Variants in IL23R observed in about 807,000 individuals in gnomAD.
IL23R encodes interleukin-23 receptor.
In IL23R, 34 loss-of-function variants were observed where a neutral mutation model predicts 56.9. That is an observed-to-expected ratio of 0.60 (90% CI 0.45 to 0.80). IL23R has a LOEUF of 0.80. IL23R is among the 30% of genes least tolerant of loss of function. The probability of loss-of-function intolerance (pLI) is 0.00; values close to 1 mark genes in which losing one functional copy is unlikely to be tolerated. For synonymous variants in IL23R, 230 were observed against 249.2 expected, an observed-to-expected ratio of 0.92 and a Z score of 0.73; for missense variants, 635 against 730.0, an observed-to-expected ratio of 0.87 and a Z score of 1.50.
At chr1:67,264,898 G>C (rs1653295165), downstream of IL23R, among the ~76,000 whole-genome samples, 1 of 152,132 alleles carries the variant, frequency 6.6e-6, no homozygotes, top group Non-Finnish European at 1.5e-5. Flanking sequence ...GTCCATTTTT[G>C]TCTGGGGTAG....
intron 5 of IL23R, among the ~76,000 whole-genome samples, chr1:67,206,189 T>C (rs558489741): frequency 1.1e-3 from 167 of 151,676 alleles, no homozygotes; most frequent in Non-Finnish European, 1.7e-3. Context: ...ATTTTTTCTG[T>C]TTTTAGTAGA....
chr1:67,224,826 AAAT>A (rs1045030292), intron 7 of IL23R, among the ~76,000 whole-genome samples: 2 of 152,232 alleles, frequency 1.3e-5, no homozygotes, highest in Admixed American at 1.3e-4. Context: ...TCAGGATAAT[AAAT>A]AATAATAGCT....
In IL23R at chr1:67,246,094, G is replaced by C. The variant is rs148478225; in HGVS notation, c.1148+5813G>C. Among the ~76,000 whole-genome samples, 509 of 152,282 alleles carry C rather than the reference G, an allele frequency of 3.3e-3. 1 individual carries two copies. Among genetic ancestry groups the C allele is most frequent in the African/African-American group, 0.012 (489 of 41,560 alleles). ...TTCTTCTAGATTTTCTAGTTTATTT[G>C]CACAGAGGTATTTATAGTATTCTCT... On this transcript the variant is annotated intron_variant, in intron 9 of 10. Coordinates refer to ENST00000347310, the MANE Select transcript of IL23R (RefSeq NM_144701.3).
rs77740743 is a variant in IL23R, at chr1:67,233,990, A to G, written c.956-2723A>G. ...GTGTGTGTGAGATTCTGTGTTTGCT[A>G]ATGCTTTTGTATGTTAAAATACTTG... On this transcript the variant is annotated intron_variant, in intron 7 of 10. Coordinates refer to ENST00000347310, the MANE Select transcript of IL23R (RefSeq NM_144701.3). 6.1e-3 allele frequency among the ~76,000 whole-genome samples: 901 copies of G among 147,814 alleles called. 9 individuals are homozygous for G. Among genetic ancestry groups the G allele is most frequent in the Admixed American group, 0.014 (198 of 14,566 alleles).
At position 67,255,910 on chromosome 1, in the gene IL23R, G is replaced by A. The variant is rs1238451416; in HGVS notation, c.1222G>A (p.Val408Ile). 1 of 1,598,212 alleles carries A rather than the reference G, an allele frequency of 6.3e-7. No homozygotes were observed. The highest frequency in any genetic ancestry group is 2.2e-5 in the East Asian group (1 of 44,738). ...TATTCCTAATATGAAAAACAGCAAT[G>A]TTGTGAAAATGCTACAGGTAACCTA... is the stretch of plus-strand genomic sequence containing the variant. ...EDIPNMKNSNVVKMLQENSEL... is the reference protein window; with the variant it reads ...EDIPNMKNSNIVKMLQENSEL... The change falls in exon 10 of 11, where the codon GTT (valine) becomes ATT (isoleucine). Residue 408 changes from valine (V) to isoleucine (I), a missense_variant. Coordinates refer to ENST00000347310, the MANE Select transcript of IL23R (RefSeq NM_144701.3).
chr1:67,168,422 G>T (rs1332278908), intron 2 of IL23R, among the ~76,000 whole-genome samples: 1 of 152,066 alleles, frequency 6.6e-6, no homozygotes, highest in African/African-American at 2.4e-5. Flanking sequence ...ACTCACATGT[G>T]GATATTTCCA....
chr1:67,147,599 C>T (rs1172880808), intron 1 of IL23R, among the ~76,000 whole-genome samples: 1 of 152,012 alleles, frequency 6.6e-6, no homozygotes, highest in Non-Finnish European at 1.5e-5. Flanking sequence ...ACTCAGGAGG[C>T]TGAGGCAGGA....
At chr1:67,212,607 G>A (rs892970508) in intron 6 of IL23R, among the ~76,000 whole-genome samples, 2 of 150,764 alleles carry the variant, frequency 1.3e-5, no homozygotes, top group East Asian at 1.9e-4. Flanking sequence ...GCGCAGTGGC[G>A]CAATCTCAGC....
At chr1:67,157,796 T>C (rs1646781821) in intron 1 of IL23R, among the ~76,000 whole-genome samples, 1 of 152,238 alleles carries the variant, frequency 6.6e-6, no homozygotes, top group African/African-American at 2.4e-5. Context: ...TAATATTGTA[T>C]TTTACTTTCT....
chr1:67,207,579 T>G (rs1649164266), intron 6 of IL23R: 1 of 367,944 alleles, frequency 2.7e-6, no homozygotes, highest in Non-Finnish European at 5.2e-6. Context: ...TCACGAGATC[T>G]GATGCGTTTA....
At chr1:67,233,626 A>G (rs1334129695) in intron 7 of IL23R, among the ~76,000 whole-genome samples, 1 of 152,210 alleles carries the variant, frequency 6.6e-6, no homozygotes, top group Non-Finnish European at 1.5e-5. Flanking sequence ...AGATCACTCT[A>G]AATTCCCACA....
At chr1:67,250,523 A>G (rs1652540970) in intron 9 of IL23R, among the ~76,000 whole-genome samples, 1 of 152,214 alleles carries the variant, frequency 6.6e-6, no homozygotes, top group Non-Finnish European at 1.5e-5. Context: ...AAAGCAGTTT[A>G]TGACCTGAAA....
chr1:67,150,335 TG>T (rs1188497864), intron 1 of IL23R, among the ~76,000 whole-genome samples: 1 of 147,982 alleles, frequency 6.8e-6, no homozygotes, highest in East Asian at 2.0e-4. Flanking sequence ...ACATTTGCCA[TG>T]GTGGTTTGCT....
chr1:67,178,415 C>T (rs939507124), intron 3 of IL23R, among the ~76,000 whole-genome samples: 13 of 151,978 alleles, frequency 8.6e-5, no homozygotes, highest in African/African-American at 2.9e-4. Flanking sequence ...TTTGGCTCTC[C>T]ATTTGTCTGT....
rs1570774918 is a variant in IL23R, at chr1:67,169,386, G to A, written c.115G>A (p.Ala39Thr). 6.2e-7 allele frequency: 1 copy of A among 1,613,318 alleles called. No individual in the cohort carries two copies. Among genetic ancestry groups the A allele is most frequent in the African/African-American group, 1.3e-5 (1 of 74,874 alleles). Residue 39 changes from alanine to threonine, a missense_variant, in exon 3 of 11, where the codon GCC (alanine) becomes ACC (threonine). Transcript: ENST00000347310. ...NCSGHIWVEP[A>T]TIFKMGMNIS... ...CTCTGGCCACATCTGGGTAGAACCA[G>A]CCACAATTTTTAAGATGGGTATGAA...
intron 9 of IL23R, among the ~76,000 whole-genome samples, chr1:67,249,458 T>C (rs2100363338): frequency 6.6e-6 from 1 of 152,264 alleles, no homozygotes; most frequent in South Asian, 2.1e-4. Flanking sequence ...CAGTGATATT[T>C]AAAAACACAA....
At chr1:67,150,293 G>A (rs1414548874) in intron 1 of IL23R, among the ~76,000 whole-genome samples, 1 of 118,932 alleles carries the variant, frequency 8.4e-6, no homozygotes, top group Non-Finnish European at 1.6e-5. Flanking sequence ...CAGGATAAAT[G>A]TGCAGGATGT....
chr1:67,205,917 T>TTCTTTCTTTCTTTC (rs1034409357), intron 5 of IL23R, among the ~76,000 whole-genome samples: 10 of 144,850 alleles, frequency 6.9e-5, no homozygotes, highest in African/African-American at 2.3e-4. Context: ...CTTTCTTTCT[T>TTCTTTCTTTCTTTC]TCTTTCTTTT....
intron 6 of IL23R, among the ~76,000 whole-genome samples, chr1:67,210,316 A>G (rs912371951): frequency 6.6e-6 from 1 of 152,236 alleles, no homozygotes; most frequent in African/African-American, 2.4e-5. Flanking sequence ...GCTGTGGAGG[A>G]ACACTAGCCT....
Sources: allele counts gnomAD v4.1 joint callset (sites outside exome capture counted in the v4.1 genomes callset), GRCh38; gene constraint gnomAD v4.1.1; transcripts MANE v1.5; gene names NCBI Gene and HGNC (gene_info 2026-07-23, HGNC 2026-07-21).